The following UCHL3 variants were observed in gnomAD, a reference collection of about 807,000 sequenced individuals.
UCHL3 encodes ubiquitin carboxyl-terminal hydrolase isozyme L3.
UCHL3 carries 22 observed loss-of-function variants against 35.8 expected under a neutral mutation model. That is an observed-to-expected ratio of 0.61 (90% CI 0.44 to 0.88). The LOEUF (loss-of-function observed/expected upper bound fraction) is 0.88, where lower values mean the gene tolerates loss of function less well. Ranked by LOEUF, UCHL3 falls within the 40% of genes least tolerant of loss-of-function variation. The pLI, the probability that UCHL3 is intolerant of heterozygous loss-of-function variation, is 0.00. For missense variants in UCHL3, 229 were observed against 276.9 expected (o/e 0.83, Z 1.23); for synonymous variants, 90 against 92.8 (o/e 0.97, Z 0.17).
chr13:75,601,822 T>G (rs1390759284), intron 7 of UCHL3, among the ~76,000 whole-genome samples: 1 of 152,094 alleles, frequency 6.6e-6, no homozygotes, highest in Non-Finnish European at 1.5e-5. Context: ...AAGTTTTTAT[T>G]TCTGTGGCTG....
intron 6 of UCHL3, among the ~76,000 whole-genome samples, chr13:75,590,706 G>A (rs1335139283): frequency 6.6e-6 from 1 of 151,984 alleles, no homozygotes; most frequent in Non-Finnish European, 1.5e-5. Context: ...GATCTTTCCT[G>A]CCTATTCAGT....
intron 6 of UCHL3, among the ~76,000 whole-genome samples, chr13:75,577,292 T>C (rs1442401382): frequency 6.6e-6 from 1 of 152,198 alleles, no homozygotes; most frequent in Non-Finnish European, 1.5e-5. Context: ...TGGTTGTGTC[T>C]GTACTGAATA....
At chr13:75,564,580 A>C (rs1320693453) in intron 3 of UCHL3, among the ~76,000 whole-genome samples, 1 of 152,184 alleles carries the variant, frequency 6.6e-6, no homozygotes, top group African/African-American at 2.4e-5. Context: ...ACTGTTTTTC[A>C]TAATGGCTGT....
At chr13:75,567,805 C>T (rs1471437094) in intron 5 of UCHL3, among the ~76,000 whole-genome samples, 1 of 152,090 alleles carries the variant, frequency 6.6e-6, no homozygotes, top group Non-Finnish European at 1.5e-5. Context: ...ACCTCGGCCT[C>T]CCAAAGTGCT....
intron 6 of UCHL3, 85 bp from the exon 7 acceptor site, chr13:75,594,830 A>C (rs908832587): frequency 1.5e-5 from 14 of 928,510 alleles, no homozygotes; most frequent in Non-Finnish European, 2.3e-5. Context: ...ATATAATTTG[A>C]TGTTATTTGT....
intron 6 of UCHL3, among the ~76,000 whole-genome samples, chr13:75,587,916 A>G (rs975578990): frequency 2.6e-5 from 4 of 152,110 alleles, no homozygotes; most frequent in African/African-American, 9.7e-5. Context: ...CCTCTCTTGT[A>G]ACACAGCCTA....
chr13:75,550,395 C>G (rs1400995850), intron 2 of UCHL3, among the ~76,000 whole-genome samples: 1 of 152,128 alleles, frequency 6.6e-6, no homozygotes, highest in Non-Finnish European at 1.5e-5. Flanking sequence ...ACTCGCCCAC[C>G]CAGTCCTTGT....
At chr13:75,572,715 C>T (rs879481170) in intron 6 of UCHL3, among the ~76,000 whole-genome samples, 1 of 152,112 alleles carries the variant, frequency 6.6e-6, no homozygotes, top group Non-Finnish European at 1.5e-5. Context: ...TGTAGTCCCC[C>T]GAGTAAACAA....
intron 6 of UCHL3, among the ~76,000 whole-genome samples, chr13:75,570,036 A>G (rs2031803425): frequency 6.7e-6 from 1 of 150,030 alleles, no homozygotes; most frequent in South Asian, 2.1e-4. Flanking sequence ...TGGTTTCTTC[A>G]TTTTTCCTTC....
intron 3 of UCHL3, among the ~76,000 whole-genome samples, chr13:75,566,211 A>G (rs1486686730): frequency 1.3e-5 from 2 of 152,244 alleles, no homozygotes; most frequent in African/African-American, 4.8e-5. Context: ...AAAAACATAA[A>G]TGGGAATTGT....
chr13:75,598,442 C>T (rs1057063310), intron 7 of UCHL3, among the ~76,000 whole-genome samples: 3 of 152,168 alleles, frequency 2.0e-5, no homozygotes, highest in African/African-American at 7.2e-5. Context: ...CAATAATGTC[C>T]TCTATTCAGG....
At chr13:75,557,295 C>A (rs891129478) in intron 2 of UCHL3, among the ~76,000 whole-genome samples, 5 of 151,950 alleles carry the variant, frequency 3.3e-5, no homozygotes, top group African/African-American at 1.2e-4. Flanking sequence ...TAGCTCCTCA[C>A]ATACAAGGGT....
At chr13:75,596,517 C>T (rs1217135381) in intron 7 of UCHL3, among the ~76,000 whole-genome samples, 1 of 152,048 alleles carries the variant, frequency 6.6e-6, no homozygotes. Context: ...ATAAAGAGTG[C>T]TGGGACTTAA....
intron 8 of UCHL3, 52 bp from the exon 9 acceptor site, chr13:75,605,677 T>A: frequency 1.3e-6 from 2 of 1,523,586 alleles, no homozygotes; most frequent in South Asian, 2.3e-5. Context: ...TTATCATTTG[T>A]AAGTAAAACA....
rs571334198 is a variant in UCHL3, at chr13:75,553,252, GA to G, written c.54+3267del. Among the ~76,000 whole-genome samples the G allele has an allele frequency of 7.9e-5, 12 of 152,290 alleles. No homozygotes were observed. In the South Asian group the frequency reaches 2.1e-3, roughly 26 times the overall value. On this transcript the variant is annotated intron_variant, in intron 2 of 8. Coordinates refer to ENST00000377595, the MANE Select transcript of UCHL3 (RefSeq NM_006002.5). ...TCCTTCTTTGTAAACTTTCCACAAA[GA>G]ATTGTTCATAGCTGCTGCAACTGCT...
intron 7 of UCHL3, 127 bp downstream of exon 7, chr13:75,595,117 T>C (rs2032610817): frequency 1.4e-6 from 1 of 704,062 alleles, no homozygotes; most frequent in South Asian, 2.5e-5. Flanking sequence ...AAAATTGATT[T>C]GACATAGCGA....
intron 2 of UCHL3, among the ~76,000 whole-genome samples, chr13:75,559,071 G>A (rs1052622219): frequency 3.1e-4 from 32 of 101,866 alleles, no homozygotes; most frequent in African/African-American, 1.1e-3. Context: ...ACGGAGTCTG[G>A]CTCTGTAGCC....
chr13:75,578,682 GTTAAT>G (rs2032096390), intron 6 of UCHL3, among the ~76,000 whole-genome samples: 1 of 151,998 alleles, frequency 6.6e-6, no homozygotes, highest in Admixed American at 6.6e-5. Flanking sequence ...AGTTTTTGAA[GTTAAT>G]TTAAATCATA....
At chr13:75,555,398 A>C (rs1301139361) in intron 2 of UCHL3, among the ~76,000 whole-genome samples, 1 of 152,212 alleles carries the variant, frequency 6.6e-6, no homozygotes, top group East Asian at 1.9e-4. Context: ...CTAGAATATA[A>C]GTTCTGTGAG....
Sources: allele counts gnomAD v4.1 joint callset (sites outside exome capture counted in the v4.1 genomes callset), GRCh38; gene constraint gnomAD v4.1.1; transcripts MANE v1.5; gene names NCBI Gene and HGNC (gene_info 2026-07-23, HGNC 2026-07-21).